SMPX: variants seen among roughly 807,000 people sequenced by gnomAD.
SMPX encodes small muscular protein.
SMPX carries 2 observed loss-of-function variants against 6.3 expected under a neutral mutation model. That is an observed-to-expected ratio of 0.32 (90% CI 0.13 to 0.99). The LOEUF (loss-of-function observed/expected upper bound fraction) is 0.99, where lower values mean the gene tolerates loss of function less well. Ranked by LOEUF, SMPX falls within the 50% of genes least tolerant of loss-of-function variation. The pLI is 0.49. For synonymous variants in SMPX, 32 were observed against 24.7 expected, an observed-to-expected ratio of 1.30 and a Z score of -0.88; for missense variants, 60 against 66.8, an observed-to-expected ratio of 0.90 and a Z score of 0.36.
At chrX:21,728,243 T>G (rs2092799489) in intron 4 of SMPX, among the ~76,000 whole-genome samples, 1 of 96,288 alleles carries the variant, frequency 1.0e-5, no homozygotes, top group Non-Finnish European at 2.1e-5. Flanking sequence ...TCTCTCTCTC[T>G]CTCTCTCTCT....
chrX:21,715,301 TGTGCGC>T (rs1354637930), intron 4 of SMPX, among the ~76,000 whole-genome samples: 1 of 87,609 alleles, frequency 1.1e-5, no homozygotes, highest in African/African-American at 6.3e-5. Flanking sequence ...TGTGTGTGTG[TGTGCGC>T]GCACGCGCGC....
At chrX:21,756,245 C>A (rs945234147) in intron 1 of SMPX, among the ~76,000 whole-genome samples, 4 of 111,964 alleles carry the variant, frequency 3.6e-5, no homozygotes, top group African/African-American at 1.3e-4. Context: ...TATGTTATGA[C>A]AATAGCAAGT....
At chrX:21,715,229 T>C (rs1038618447) in intron 4 of SMPX, among the ~76,000 whole-genome samples, 6 of 110,742 alleles carry the variant, frequency 5.4e-5, no homozygotes, top group Non-Finnish European at 9.5e-5. Context: ...AGATTTGAGA[T>C]CTTGTTTATA....
intron 4 of SMPX, among the ~76,000 whole-genome samples, chrX:21,715,539 GTA>G (rs1015825433): frequency 9.0e-6 from 1 of 111,041 alleles, no homozygotes; most frequent in Non-Finnish European, 1.9e-5. Flanking sequence ...GGGCTTCTCA[GTA>G]TTTAACATCC....
chrX:21,720,117 C>T (rs1449420265), intron 4 of SMPX, among the ~76,000 whole-genome samples: 1 of 112,187 alleles, frequency 8.9e-6, no homozygotes, highest in Admixed American at 9.4e-5. Flanking sequence ...TAGTCCCCTT[C>T]GACATAGAAT....
intron 4 of SMPX, among the ~76,000 whole-genome samples, chrX:21,710,128 AG>A (rs1039467625): frequency 3.6e-5 from 4 of 112,110 alleles, no homozygotes; most frequent in Admixed American, 2.8e-4. Flanking sequence ...TTCAGCTTAT[AG>A]GCCTCTCTGA....
chrX:21,720,524 T>C (rs1185044959), intron 4 of SMPX, among the ~76,000 whole-genome samples: 1 of 113,000 alleles, frequency 8.8e-6, no homozygotes, highest in Non-Finnish European at 1.9e-5. Context: ...AATAATTTGT[T>C]ACACAGCCAA....
intron 4 of SMPX, among the ~76,000 whole-genome samples, chrX:21,714,756 AT>A (rs762678613): frequency 1.4e-4 from 16 of 112,482 alleles, no homozygotes; most frequent in African/African-American, 4.8e-4. Context: ...CATTCCTTTG[AT>A]TTCTACTGAA....
chrX:21,725,816 T>C (rs1168292673), intron 4 of SMPX, among the ~76,000 whole-genome samples: 1 of 112,284 alleles, frequency 8.9e-6, no homozygotes, highest in African/African-American at 3.2e-5. Flanking sequence ...ACAGATAAGA[T>C]AATTAATGGA....
At chrX:21,747,725 T>C (rs2092822983) in intron 2 of SMPX, among the ~76,000 whole-genome samples, 1 of 111,379 alleles carries the variant, frequency 9.0e-6, no homozygotes, top group African/African-American at 3.3e-5. Flanking sequence ...TATCTCCCCC[T>C]CCCTTTTCGT....
At chrX:21,732,356 T>C (rs2092805924) in intron 4 of SMPX, among the ~76,000 whole-genome samples, 1 of 112,452 alleles carries the variant, frequency 8.9e-6, no homozygotes, top group Non-Finnish European at 1.9e-5. Context: ...AATTTTTTAG[T>C]TTCCCAGAGG....
chrX:21,719,051 A>G (rs1251626832), intron 4 of SMPX, among the ~76,000 whole-genome samples: 1 of 112,328 alleles, frequency 8.9e-6, no homozygotes, highest in Admixed American at 9.4e-5. Context: ...TTTTAGAAAC[A>G]TAAGTTTTCA....
intron 3 of SMPX, among the ~76,000 whole-genome samples, chrX:21,740,032 T>C (rs1014565214): frequency 1.8e-5 from 2 of 112,230 alleles, no homozygotes; most frequent in African/African-American, 6.5e-5. Context: ...TTTATCAACA[T>C]AAGACTTTCA....
At chrX:21,756,109 A>C (rs1015148937) in intron 1 of SMPX, among the ~76,000 whole-genome samples, 15 of 112,369 alleles carry the variant, frequency 1.3e-4, no homozygotes, top group Non-Finnish European at 2.4e-4. Flanking sequence ...AATAATTTTC[A>C]CAGAACTTTA....
At chrX:21,742,610 A>G (rs2092817240) in intron 3 of SMPX, among the ~76,000 whole-genome samples, 1 of 111,924 alleles carries the variant, frequency 8.9e-6, no homozygotes, top group Non-Finnish European at 1.9e-5. Flanking sequence ...TGTATTCATC[A>G]AGAGTGACTT....
At chrX:21,737,791 A>C (rs988517684) in intron 3 of SMPX, 94 bp from the exon 4 acceptor site, 3 of 848,838 alleles carry the variant, frequency 3.5e-6, no homozygotes, top group Non-Finnish European at 5.2e-6. Flanking sequence ...TTAAAGTAAC[A>C]ATGATGTCAA....
chrX:21,714,028 A>G (rs1370159707), intron 4 of SMPX, among the ~76,000 whole-genome samples: 1 of 112,155 alleles, frequency 8.9e-6, no homozygotes, highest in African/African-American at 3.2e-5. Context: ...TTATTTTTAC[A>G]TAGCTCTTAA....
chrX:21,737,693 A>C lies in SMPX; in HGVS notation c.137T>G (p.Val46Gly). ...CTTCTCCTCATCCGAGGTGGGAGGA[A>C]CACCCTGAAGAGCAAGGAGAAGAAA... ...KECTPEVEEG[V>G]PPTSDEEKKP... The change falls in exon 4 of 5, where the codon GTT (valine) becomes GGT (glycine). Residue 46 changes from valine to glycine, a missense_variant. By Grantham distance (109) the Val-to-Gly change is moderately radical. Transcript: ENST00000379494. 8.3e-7 allele frequency: 1 copy of C among 1,210,885 alleles called. No homozygotes were observed.
chrX:21,735,832 A>C (rs1398496391), intron 4 of SMPX, among the ~76,000 whole-genome samples: 1 of 111,960 alleles, frequency 8.9e-6, no homozygotes, highest in Non-Finnish European at 1.9e-5. Flanking sequence ...GAAGTTCTGA[A>C]GTTTCATCCC....
Sources: gnomAD v4.1 joint callset for allele counts (sites outside exome capture counted in the v4.1 genomes callset) on GRCh38, gnomAD v4.1.1 for gene constraint, MANE v1.5 for transcripts, NCBI Gene and HGNC (gene_info 2026-07-23, HGNC 2026-07-21) for gene names.